Variants in CDC20B observed in about 807,000 individuals in gnomAD.
CDC20B encodes cell division cycle protein 20 homolog B.
CDC20B carries 58 observed loss-of-function variants against 64.1 expected under a neutral mutation model. That is an observed-to-expected ratio of 0.90 (90% CI 0.73 to 1.13). CDC20B has a LOEUF of 1.13. Ranked by LOEUF, CDC20B falls within the 50% of genes most tolerant of loss-of-function variation. The probability of loss-of-function intolerance (pLI) is 0.00; values close to 1 mark genes in which losing one functional copy is unlikely to be tolerated. For synonymous variants in CDC20B, 243 were observed against 230.6 expected (o/e 1.05, Z -0.49); for missense variants, 597 against 633.0 (o/e 0.94, Z 0.61).
At chr5:55,150,570 G>A (rs1164567719) in intron 2 of CDC20B, among the ~76,000 whole-genome samples, 4 of 152,184 alleles carry the variant, frequency 2.6e-5, no homozygotes, top group Admixed American at 6.5e-5. Context: ...GTTGTTGGGG[G>A]TCAGTTTTTC....
At chr5:55,122,130 C>G (rs1215601418) in intron 9 of CDC20B, among the ~76,000 whole-genome samples, 1 of 152,150 alleles carries the variant, frequency 6.6e-6, no homozygotes, top group Non-Finnish European at 1.5e-5. Context: ...TTTGCCAAAC[C>G]TGTTTATGAC....
In CDC20B at chr5:55,114,218, C is replaced by CT. The variant is rs1561282810; in HGVS notation, c.1559dup (p.Ter520=). The CT allele has an allele frequency of 6.2e-7, 1 of 1,613,284 alleles. No individual in the cohort carries two copies. Among genetic ancestry groups the CT allele is most frequent in the Non-Finnish European group, 8.5e-7 (1 of 1,179,572 alleles). The change falls in exon 12 of 12, where the codon TAG becomes TAAG. Residue 520 remains the stop codon, a frameshift_variant and stop_retained_variant. Coordinates refer to ENST00000381375, the MANE Select transcript of CDC20B (RefSeq NM_001170402.1). LOFTEE classifies it high-confidence loss of function. This position sits in a 1 kb window ranked among gnomAD's most constrained non-coding sequence, Gnocchi z 4.1. Reference sequence around the variant, plus strand: ...AACTGAAACCTAGAGGGGCTGGGTGCTAGTAGCAATTCCATACAGAGGCCG... The same window carrying CT: ...AACTGAAACCTAGAGGGGCTGGGTGCTTAGTAGCAATTCCATACAGAGGCCG... ...DGTASVWNCY[*]
chr5:55,158,659 C>A (rs996388237), intron 2 of CDC20B, among the ~76,000 whole-genome samples: 12 of 152,220 alleles, frequency 7.9e-5, no homozygotes, highest in Admixed American at 7.2e-4. Context: ...TCATTCCCTG[C>A]ACTTTCTGGA....
chr5:55,137,552 A>G, intron 5 of CDC20B: 1 of 456,766 alleles, frequency 2.2e-6, no homozygotes, highest in Non-Finnish European at 4.4e-6. Flanking sequence ...AGCCTTGCAT[A>G]GAGTATTCAG....
rs762826823 is a variant in CDC20B, at chr5:55,160,346, G to C, written c.126+12242C>G. ...AATCAACAGCTTTTATGCCTTTGAA[G>C]TGAAGGATGCAAAAGGAAGAACTGT... On this transcript the variant is annotated intron_variant, in intron 2 of 11. Transcript: ENST00000381375. 5 of 1,613,426 alleles carry C rather than the reference G, an allele frequency of 3.1e-6. No individual in the cohort carries two copies. In the African/African-American group the frequency reaches 6.7e-5, roughly 22 times the overall value.
At chr5:55,143,446 A>G in intron 4 of CDC20B, 67 bp downstream of exon 4, 1 of 1,472,976 alleles carries the variant, frequency 6.8e-7, no homozygotes, top group Non-Finnish European at 9.1e-7. Context: ...CTCTTCCCTT[A>G]CATTTGCAAC....
At chr5:55,171,775 G>A (rs1437043050) in intron 2 of CDC20B, among the ~76,000 whole-genome samples, 1 of 151,928 alleles carries the variant, frequency 6.6e-6, no homozygotes, top group Non-Finnish European at 1.5e-5. Flanking sequence ...GCTAATTTTT[G>A]CAGTTTTTTT....
chr5:55,140,215 T>C, intron 5 of CDC20B, 99 bp downstream of exon 5: 1 of 619,288 alleles, frequency 1.6e-6, no homozygotes, highest in Non-Finnish European at 2.6e-6. Flanking sequence ...TGATTTAGTC[T>C]AGTAAATATT....
At chr5:55,120,857 A>G (rs1742739635) in intron 9 of CDC20B, among the ~76,000 whole-genome samples, 1 of 152,152 alleles carries the variant, frequency 6.6e-6, no homozygotes, top group African/African-American at 2.4e-5. Flanking sequence ...AATACATCCT[A>G]TGGGGCAAAA....
At chr5:55,167,727 G>A (rs563685436) in intron 2 of CDC20B, among the ~76,000 whole-genome samples, 1 of 152,146 alleles carries the variant, frequency 6.6e-6, no homozygotes, top group African/African-American at 2.4e-5. Flanking sequence ...GCTGGGTGTA[G>A]TGGCACATGC....
intron 2 of CDC20B, among the ~76,000 whole-genome samples, chr5:55,169,569 A>C (rs1744520856): frequency 6.6e-6 from 1 of 152,204 alleles, no homozygotes; most frequent in South Asian, 2.1e-4. Flanking sequence ...AAGTTGTTAG[A>C]TCTCATGCTG....
At chr5:55,163,812 T>C (rs1198591577) in intron 2 of CDC20B, among the ~76,000 whole-genome samples, 1 of 149,978 alleles carries the variant, frequency 6.7e-6, no homozygotes, top group East Asian at 2.0e-4. Context: ...CAGCCTACTT[T>C]GCTTCATTTC....
rs749622626 is a variant in CDC20B at position 55,128,630 on chromosome 5, C to T, written c.698-13G>A. ...AGGATATTCAGATCTATAAGAAAAGCACTTCAAATTAGTATAATTATACAG... is the reference window on the plus strand; with the variant it reads ...AGGATATTCAGATCTATAAGAAAAGTACTTCAAATTAGTATAATTATACAG... On this transcript the variant is annotated splice_polypyrimidine_tract_variant and intron_variant, in intron 6 of 11. Coordinates refer to ENST00000381375, the MANE Select transcript of CDC20B (RefSeq NM_001170402.1). The T allele has an allele frequency of 1.1e-5, 16 of 1,519,432 alleles. No homozygotes were observed. Among genetic ancestry groups the T allele is most frequent in the Non-Finnish European group, 1.4e-5 (16 of 1,142,026 alleles). 94.1% of individuals were successfully genotyped at this position (1,519,432 alleles called of 1,614,324 possible).
At chr5:55,150,138 A>C (rs1290014069) in intron 2 of CDC20B, among the ~76,000 whole-genome samples, 1 of 152,238 alleles carries the variant, frequency 6.6e-6, no homozygotes, top group East Asian at 1.9e-4. Flanking sequence ...GTCTCAAAAA[A>C]ATAAATAAAA....
At chr5:55,147,452 GTT>G (rs1402584356) in intron 2 of CDC20B, among the ~76,000 whole-genome samples, 1 of 144,548 alleles carries the variant, frequency 6.9e-6, no homozygotes, top group African/African-American at 2.5e-5. Context: ...ATATACAAAA[GTT>G]ATATTTTATG....
chr5:55,159,594 A>T (rs1283498254), intron 2 of CDC20B, among the ~76,000 whole-genome samples: 1 of 152,164 alleles, frequency 6.6e-6, no homozygotes, highest in Non-Finnish European at 1.5e-5. Flanking sequence ...TAACATATTT[A>T]TTTTGACTGT....
rs187806120 is a variant in CDC20B at position 55,161,863 on chromosome 5, T to C, written c.126+10725A>G. Among the ~76,000 whole-genome samples the C allele has an allele frequency of 6.9e-3, 1,052 of 152,286 alleles. 5 individuals carry two copies. Among genetic ancestry groups the C allele is most frequent in the Non-Finnish European group, 0.01 (709 of 68,008 alleles). On this transcript the variant is annotated intron_variant, in intron 2 of 11. Transcript: ENST00000381375. Reference sequence around the variant, plus strand: ...CACTTAGCACAAAGGTCATGAGGCATACAGACAGCATAGGCTTTGGCCTCA... The same window carrying C: ...CACTTAGCACAAAGGTCATGAGGCACACAGACAGCATAGGCTTTGGCCTCA...
At chr5:55,161,974 G>A (rs1000064221) in intron 2 of CDC20B, among the ~76,000 whole-genome samples, 1 of 151,708 alleles carries the variant, frequency 6.6e-6, no homozygotes, top group Admixed American at 6.6e-5. Context: ...TTGTAAAATG[G>A]GCTATCAATA....
chr5:55,140,108 G>A (rs1283848659), intron 5 of CDC20B, among the ~76,000 whole-genome samples: 1 of 152,142 alleles, frequency 6.6e-6, no homozygotes, highest in Non-Finnish European at 1.5e-5. Context: ...AGGACAGCTG[G>A]AAGAACTAAA....
Sources: allele counts gnomAD v4.1 joint callset (sites outside exome capture counted in the v4.1 genomes callset), GRCh38; gene constraint gnomAD v4.1.1; non-coding constraint Gnocchi (gnomAD v3.1); transcripts MANE v1.5; gene names NCBI Gene and HGNC (gene_info 2026-07-23, HGNC 2026-07-21).